PCDHA1: variants seen among roughly 807,000 people sequenced by gnomAD.
PCDHA1 encodes protocadherin alpha 1.
In PCDHA1, 42 loss-of-function variants were observed where a neutral mutation model predicts 61.3. The observed-to-expected ratio is 0.69, with a 90% CI of 0.54 to 0.89. The LOEUF is 0.89. Among genes scored for constraint, PCDHA1 ranks in the 40% least tolerant of loss-of-function variants. The probability of loss-of-function intolerance (pLI) is 0.00; values close to 1 mark genes in which losing one functional copy is unlikely to be tolerated. For missense variants in PCDHA1, 1,256 were observed against 1,235.3 expected (o/e 1.02, Z -0.25); for synonymous variants, 610 against 553.8 (o/e 1.10, Z -1.43).
intron 1 of PCDHA1, chr5:140,808,450 T>C: frequency 6.2e-7 from 1 of 1,614,074 alleles, no homozygotes; most frequent in East Asian, 2.2e-5. Flanking sequence ...TGTCAGCCTA[T>C]GAGCTGGTGG....
intron 1 of PCDHA1, chr5:140,809,512 T>G: frequency 6.2e-7 from 1 of 1,614,186 alleles, no homozygotes; most frequent in Non-Finnish European, 8.5e-7. Flanking sequence ...TCAGCCCCAG[T>G]TTACCTGACT....
intron 1 of PCDHA1, among the ~76,000 whole-genome samples, chr5:140,975,398 TCA>T (rs1554236785): frequency 1.3e-4 from 20 of 152,270 alleles, no homozygotes. Flanking sequence ...TCCATCACAA[TCA>T]CAGTCTTGGA....
chr5:140,812,843 A>AT (rs1554126068), intron 1 of PCDHA1: 5 of 152,248 alleles, frequency 3.3e-5, no homozygotes. Flanking sequence ...TTATCTTAAC[A>AT]TATTTTCTAA....
intron 1 of PCDHA1, among the ~76,000 whole-genome samples, chr5:140,952,726 A>C (rs2094788337): frequency 6.6e-6 from 1 of 152,188 alleles, no homozygotes; most frequent in African/African-American, 2.4e-5. Context: ...TTTCTGTACT[A>C]GTCTTTTCTC....
rs557035841 is a variant in PCDHA1, at chr5:140,907,537, A to G, written c.2395-71412A>G. On this transcript the variant is annotated intron_variant, in intron 1 of 3. Coordinates refer to ENST00000504120, the MANE Select transcript of PCDHA1 (RefSeq NM_018900.4). ...GTGAGGACAAATCGCTGCCCTTTCT[A>G]TGATGGAAGAGGTCCAATATAATCA... 7.9e-5 allele frequency among the ~76,000 whole-genome samples: 12 copies of G among 152,370 alleles called. No homozygotes were observed. The South Asian group carries it at 1.2e-3, about 16-fold the overall frequency.
In PCDHA1 at chr5:140,786,412, A is replaced by G. The variant is rs1554117374; in HGVS notation, c.122A>G (p.His41Arg). The part of the protein sequence containing the change: ...LHYSIPEEAK[H>R]GTFVGRVAQD... ...TACTCGATCCCGGAGGAAGCCAAAC[A>G]CGGCACCTTCGTTGGCCGCGTTGCT... Residue 41 changes from histidine to arginine, a missense_variant, in exon 1 of 4, where the codon CAC becomes CGC. Coordinates refer to ENST00000504120, the MANE Select transcript of PCDHA1 (RefSeq NM_018900.4). The G allele has an allele frequency of 6.2e-7, 1 of 1,613,378 alleles. No individual in the cohort carries two copies. The highest frequency in any genetic ancestry group is 8.5e-7 in the Non-Finnish European group (1 of 1,180,042).
intron 1 of PCDHA1, chr5:140,875,542 T>G: frequency 6.2e-7 from 1 of 1,614,134 alleles, no homozygotes. Context: ...CCTTGCAGCC[T>G]GGGAGGTGGG....
chr5:140,804,891 C>A, intron 1 of PCDHA1: 2 of 669,166 alleles, frequency 3.0e-6, no homozygotes, highest in Non-Finnish European at 4.6e-6. Flanking sequence ...CCTCTCCTTC[C>A]CCTCACTTCC....
intron 1 of PCDHA1, chr5:140,826,001 C>G (rs2150077180): frequency 6.6e-6 from 1 of 152,282 alleles, no homozygotes; most frequent in South Asian, 2.1e-4. Context: ...AGTAAATAGT[C>G]CACACTTTAC....
chr5:140,818,604 T>G (rs2150101682), intron 1 of PCDHA1, among the ~76,000 whole-genome samples: 1 of 152,274 alleles, frequency 6.6e-6, no homozygotes, highest in African/African-American at 2.4e-5. Context: ...GTGTGGGCCA[T>G]GACAGGAGGA....
rs115974425 is a variant in PCDHA1 at position 140,805,899 on chromosome 5, C to T, written c.2394+17215C>T. ...GGCAATGGAAGGAAGCAAACATTTT[C>T]TGCAGGGTAAATATTTAGGAAATAT... On this transcript the variant is annotated intron_variant, in intron 1 of 3. Transcript: ENST00000504120. Among the ~76,000 whole-genome samples the T allele has an allele frequency of 6.6e-3, 1,004 of 152,236 alleles. 12 individuals carry two copies. The highest frequency in any genetic ancestry group is 9.3e-3 in the Non-Finnish European group (635 of 68,000).
At chr5:140,956,740 C>T in intron 1 of PCDHA1, among the ~76,000 whole-genome samples, 1 of 152,122 alleles carries the variant, frequency 6.6e-6, no homozygotes, top group East Asian at 1.9e-4. Context: ...CCTCTTTGTA[C>T]CTCTGATAGA....
intron 1 of PCDHA1, among the ~76,000 whole-genome samples, chr5:140,955,510 T>G (rs1554221967): frequency 6.6e-6 from 1 of 152,154 alleles, no homozygotes; most frequent in Non-Finnish European, 1.5e-5. Context: ...AAAGACGTGT[T>G]TGCTTTCCCT....
chr5:140,801,597 C>T lies in PCDHA1; in HGVS notation c.2394+12913C>T, dbSNP rs1431439199. On this transcript the variant is annotated intron_variant, in intron 1 of 3. Coordinates refer to ENST00000504120, the MANE Select transcript of PCDHA1 (RefSeq NM_018900.4). The stretch of plus-strand genomic sequence containing the variant: ...CATTAATGACAACGCGCCAGTTTTT[C>T]CAATGGCTGTAAAGAATCTGTTTAT... 3.5e-5 allele frequency: 56 copies of T among 1,614,060 alleles called. No individual in the cohort carries two copies. In the Admixed American group the frequency reaches 6.7e-4, roughly 19 times the overall value.
intron 1 of PCDHA1, chr5:140,966,731 G>A: frequency 7.1e-7 from 1 of 1,405,136 alleles, no homozygotes; most frequent in Non-Finnish European, 9.2e-7. Context: ...TGCCGCCTCC[G>A]GCCCTGCCCG....
At chr5:140,887,048 A>G (rs997240150) in intron 1 of PCDHA1, among the ~76,000 whole-genome samples, 21 of 152,068 alleles carry the variant, frequency 1.4e-4, no homozygotes, top group Admixed American at 1.4e-3. Context: ...TTTATAGTGC[A>G]TATGTTCTGG....
At chr5:140,932,059 AT>A (rs2087988463) in intron 1 of PCDHA1, among the ~76,000 whole-genome samples, 1 of 151,936 alleles carries the variant, frequency 6.6e-6, no homozygotes, top group Non-Finnish European at 1.5e-5. Context: ...AATACTAAAA[AT>A]TATCAGTTTA....
At chr5:140,877,177 C>A (rs1554169414) in intron 1 of PCDHA1, 1 of 1,613,802 alleles carries the variant, frequency 6.2e-7, no homozygotes. Context: ...GCTGGCGACT[C>A]CGGCTGGCAG....
Position 140,928,600 on chromosome 5 carries a change from G to C in PCDHA1, c.2395-50349G>C, listed in dbSNP as rs144698541. ...AAATGGTTCTGTCCCAGTGGAAATT[G>C]TGCCCCGCTCTGCCAGGACTGGACA... On this transcript the variant is annotated intron_variant, in intron 1 of 3. Coordinates refer to ENST00000504120, the MANE Select transcript of PCDHA1 (RefSeq NM_018900.4). 3.1e-6 allele frequency: 5 copies of C among 1,614,090 alleles called. No homozygotes were observed. In the African/African-American group the frequency reaches 6.7e-5, roughly 22 times the overall value.
Sources: allele counts gnomAD v4.1 joint callset (sites outside exome capture counted in the v4.1 genomes callset), GRCh38; gene constraint gnomAD v4.1.1; transcripts MANE v1.5; gene names NCBI Gene and HGNC (gene_info 2026-07-23, HGNC 2026-07-21).